HSPG2: variants seen among roughly 807,000 people sequenced by gnomAD.
The protein encoded by HSPG2 is basement membrane-specific heparan sulfate proteoglycan core protein.
A neutral mutation model predicts 526.6 loss-of-function variants in HSPG2; 278 were observed. The ratio of observed to expected loss-of-function variants is 0.53; its 90% CI spans 0.48 to 0.58. HSPG2 has a LOEUF of 0.58. HSPG2 is among the 20% of genes least tolerant of loss of function. The pLI, the probability that HSPG2 is intolerant of heterozygous loss-of-function variation, is 0.00. For missense variants in HSPG2, 5,354 were observed against 6,099.5 expected (o/e 0.88, Z 4.07); for synonymous variants, 2,465 against 2,555.4 (o/e 0.96, Z 1.07).
At chr1:21,875,803 C>G in intron 24 of HSPG2, 56 bp from the exon 25 acceptor site, 2 of 1,607,888 alleles carry the variant, frequency 1.2e-6, no homozygotes, top group Middle Eastern at 1.7e-4. Context: ...TATTGAATGC[C>G]GGAGAGGCAG....
chr1:21,898,021 T>C lies in HSPG2; in HGVS notation c.64-1711A>G, dbSNP rs994753808. On this transcript the variant is annotated intron_variant, in intron 1 of 96. Transcript: ENST00000374695. The surrounding 1 kb of genome is among the most constrained non-coding windows in gnomAD (Gnocchi z 4.0). The stretch of plus-strand genomic sequence containing the variant: ...AGCACCTTGAAGGCAAGGGCTGTGA[T>C]GAATTCATCTCCACCTTTTCTGCAC... Among the ~76,000 whole-genome samples the C allele has an allele frequency of 6.6e-6, 1 of 152,222 alleles. No homozygotes were observed. The highest frequency in any genetic ancestry group is 2.4e-5 in the African/African-American group (1 of 41,444).
chr1:21,874,355 G>A (rs536587125), intron 28 of HSPG2, 51 bp downstream of exon 28: 57 of 1,606,952 alleles, frequency 3.5e-5, no homozygotes, highest in Middle Eastern at 2.3e-4. Context: ...GTGTGGGAGC[G>A]GGTGGTAGAC....
chr1:21,878,521 C>A (rs1641265400), intron 19 of HSPG2, 30 bp from the exon 20 acceptor site: 7 of 1,613,868 alleles, frequency 4.3e-6, no homozygotes, highest in Non-Finnish European at 5.9e-6. Context: ...GCCATCAGCA[C>A]TTCCATGACC....
At chr1:21,921,519 G>C (rs980365687) in intron 1 of HSPG2, among the ~76,000 whole-genome samples, 1 of 152,086 alleles carries the variant, frequency 6.6e-6, no homozygotes, top group Admixed American at 6.6e-5. Flanking sequence ...TCCCTGCCCC[G>C]CATACCCCAG....
At position 21,876,018 on chromosome 1, in the gene HSPG2, G is replaced by A. The variant is rs377016014; in HGVS notation, c.3028C>T (p.Arg1010Cys). 56 of 1,613,914 alleles carry A rather than the reference G, an allele frequency of 3.5e-5. No homozygotes were observed. Among genetic ancestry groups the A allele is most frequent in the Admixed American group, 1.2e-4 (7 of 60,012 alleles). ...TGGGACCTCTGGGTCACTGTGAAGC[G>A]CAGCTCTCCTCCATAGGAGGTCACC... ...DKVTSYGGEL[R>C]FTVTQRSQPG... The change falls in exon 24 of 97, where the codon CGC becomes TGC. Residue 1010 changes from arginine (R) to cysteine (C), a missense_variant. Physicochemically the swap from Arg to Cys is radical, Grantham distance 180 (BLOSUM62 -3). Coordinates refer to ENST00000374695, the MANE Select transcript of HSPG2 (RefSeq NM_005529.7).
rs1639253483 is a variant in HSPG2, at chr1:21,855,376, C to T, written c.5925G>A (p.Leu1975=). Residue 1975 remains leucine (L), a synonymous_variant, in exon 47 of 97, where the codon CTG becomes CTA. Transcript: ENST00000374695. ...TAGGCACGCCTGCAGCCCTGCAGTA[C>T]AGCCTGACGGTGCGGCCTGCGTGGA... ...TQVHAGRTVR[L]YCRAAGVPSA... 1 of 1,612,604 alleles carries T rather than the reference C, an allele frequency of 6.2e-7. No homozygotes were observed. The highest frequency in any genetic ancestry group is 1.1e-5 in the South Asian group (1 of 90,718).
chr1:21,853,792 A>G (rs1316240451), intron 50 of HSPG2: 1 of 208,820 alleles, frequency 4.8e-6, no homozygotes, highest in South Asian at 6.7e-5. Context: ...AAAATAAAAT[A>G]AAATAATAAA....
chr1:21,850,524 G>C, intron 55 of HSPG2, 26 bp from the exon 56 acceptor site: 1 of 1,588,872 alleles, frequency 6.3e-7, no homozygotes. Context: ...GTGAGTCAGA[G>C]GGAGCCCTCA....
chr1:21,856,187 C>T (rs1338535857), intron 44 of HSPG2, among the ~76,000 whole-genome samples: 2 of 152,176 alleles, frequency 1.3e-5, no homozygotes, highest in African/African-American at 4.8e-5. Flanking sequence ...CACACCCGTC[C>T]TCCCTCCCAC....
rs1351491239 is a variant in HSPG2 at position 21,898,541 on chromosome 1, G to A, written c.64-2231C>T. Among the ~76,000 whole-genome samples, 1 of 152,238 alleles carries A rather than the reference G, an allele frequency of 6.6e-6. No individual in the cohort carries two copies. Among genetic ancestry groups the A allele is most frequent in the African/African-American group, 2.4e-5 (1 of 41,464 alleles). ...TCAGGTTTTTCCATCCCAGGAGGGT[G>A]GTCTTAGTTGTGCATGTCCAGGGGA... On this transcript the variant is annotated intron_variant, in intron 1 of 96. Coordinates refer to ENST00000374695, the MANE Select transcript of HSPG2 (RefSeq NM_005529.7). The surrounding 1 kb of genome is among the most constrained non-coding windows in gnomAD (Gnocchi z 4.0).
At chr1:21,846,856 C>T (rs1250290331) in intron 62 of HSPG2, among the ~76,000 whole-genome samples, 10 of 152,050 alleles carry the variant, frequency 6.6e-5, no homozygotes, top group African/African-American at 1.7e-4. Context: ...AAAAATTAGC[C>T]GGGCACGGTG....
intron 49 of HSPG2, 55 bp from the exon 50 acceptor site, chr1:21,854,398 C>T: frequency 1.3e-6 from 2 of 1,544,824 alleles, no homozygotes; most frequent in Non-Finnish European, 1.8e-6. Flanking sequence ...CTATTGTCAC[C>T]ACTCCCTCAG....
intron 50 of HSPG2, 73 bp from the exon 51 acceptor site, chr1:21,853,143 G>C: frequency 6.3e-7 from 1 of 1,598,652 alleles, no homozygotes; most frequent in Non-Finnish European, 8.5e-7. Flanking sequence ...AGAAGGCTCT[G>C]GGCTGTGACC....
Position 21,865,309 on chromosome 1 carries a change from C to T in HSPG2, c.4371G>A (p.Arg1457=), listed in dbSNP as rs1178501781. The T allele has an allele frequency of 1.9e-6, 3 of 1,613,958 alleles. No homozygotes were observed. The highest frequency in any genetic ancestry group is 1.7e-5 in the Admixed American group (1 of 60,006). Residue 1457 remains arginine, a synonymous_variant, in exon 35 of 97, where the codon AGG becomes AGA. Transcript: ENST00000374695. The surrounding 1 kb of genome is among the most constrained non-coding windows in gnomAD (Gnocchi z 5.4). The part of the protein sequence containing the change: ...SQPALQGPER[R]SYEIMFREEF... Reference sequence around the variant, plus strand: ...CCTCTCGGAACATGATCTCGTAGCTCCTCCTCTCAGGGCCCTGCAGCGCTG... The same window carrying T: ...CCTCTCGGAACATGATCTCGTAGCTTCTCCTCTCAGGGCCCTGCAGCGCTG...
At position 21,858,306 on chromosome 1, in the gene HSPG2, CCT is replaced by C. The variant is rs956799611; in HGVS notation, c.5294-923_5294-922del. 6.6e-6 allele frequency among the ~76,000 whole-genome samples: 1 copy of C among 152,210 alleles called. No homozygotes were observed. Among genetic ancestry groups the C allele is most frequent in the Non-Finnish European group, 1.5e-5 (1 of 68,040 alleles). On this transcript the variant is annotated intron_variant, in intron 42 of 96. Coordinates refer to ENST00000374695, the MANE Select transcript of HSPG2 (RefSeq NM_005529.7). The surrounding 1 kb of genome is among the most constrained non-coding windows in gnomAD (Gnocchi z 4.2). ...TTTCCCTCTGATTCCCATGATGCCC[CCT>C]GTCTCTTCCTGCCTCATGGCTGCAC...
rs576335027 is a variant in HSPG2, at chr1:21,908,965, G to A, written c.64-12655C>T. Among the ~76,000 whole-genome samples the A allele has an allele frequency of 6.1e-4, 93 of 152,260 alleles. 1 individual carries two copies. Among genetic ancestry groups the A allele is most frequent in the Middle Eastern group, 3.4e-3 (1 of 294 alleles). ...CTACTAAAAAATACAAAAATTAGCC[G>A]GGCATGGTGGCACATGCCTGTAATC... is the stretch of plus-strand genomic sequence containing the variant. On this transcript the variant is annotated intron_variant, in intron 1 of 96. Transcript: ENST00000374695.
At chr1:21,838,430 T>G (rs967359643) in intron 74 of HSPG2, among the ~76,000 whole-genome samples, 48 of 152,248 alleles carry the variant, frequency 3.2e-4, no homozygotes, top group African/African-American at 1.2e-3. Context: ...CTGTTGTCCC[T>G]GTCAAGCATT....
chr1:21,925,098 C>G (rs1644150841), intron 1 of HSPG2, among the ~76,000 whole-genome samples: 1 of 152,248 alleles, frequency 6.6e-6, no homozygotes, highest in Non-Finnish European at 1.5e-5. Flanking sequence ...CAGCCTCTAC[C>G]TTCCTCTGCG....
intron 65 of HSPG2, 120 bp from the exon 66 acceptor site, chr1:21,843,558 G>T: frequency 2.0e-6 from 2 of 1,011,054 alleles, no homozygotes; most frequent in Non-Finnish European, 1.4e-6. Context: ...TGTTGGAGGC[G>T]ACCCCTTTGA....
Sources: gnomAD v4.1 joint callset for allele counts (sites outside exome capture counted in the v4.1 genomes callset) on GRCh38, gnomAD v4.1.1 for gene constraint, Gnocchi (gnomAD v3.1) non-coding constraint, MANE v1.5 for transcripts, NCBI Gene and HGNC (gene_info 2026-07-23, HGNC 2026-07-21) for gene names.